The following CELSR1 variants were observed in gnomAD, a reference collection of about 807,000 sequenced individuals.
CELSR1 encodes cadherin EGF LAG seven-pass G-type receptor 1, also known as adhesion G protein-coupled receptor C1.
In CELSR1, 110 loss-of-function variants were observed where a neutral mutation model predicts 249.1. The observed-to-expected ratio is 0.44, with a 90% CI of 0.38 to 0.52. The LOEUF is 0.52. CELSR1 is among the 20% of genes least tolerant of loss of function. The pLI is 0.00. For synonymous variants in CELSR1, 2,113 were observed against 1,900.0 expected (o/e 1.11, Z -2.92); for missense variants, 4,109 against 4,296.4 (o/e 0.96, Z 1.22).
At chr22:46,451,014 A>T (rs874828) in intron 2 of CELSR1, among the ~76,000 whole-genome samples, 1 of 151,956 alleles carries the variant, frequency 6.6e-6, no homozygotes, top group African/African-American at 2.4e-5. Flanking sequence ...TTCCTGAGAC[A>T]GGAGGCACCC....
chr22:46,378,961 G>C (rs558453941), intron 22 of CELSR1, among the ~76,000 whole-genome samples: 1 of 152,202 alleles, frequency 6.6e-6, no homozygotes, highest in Admixed American at 6.5e-5. Context: ...CTGCCGCGGA[G>C]GCAGGACCAT....
Position 46,536,708 on chromosome 22 carries a change from C to G in CELSR1, c.463G>C (p.Ala155Pro). 8.9e-7 allele frequency: 1 copy of G among 1,127,488 alleles called. No individual in the cohort carries two copies. The highest frequency in any genetic ancestry group is 1.1e-6 in the Non-Finnish European group (1 of 925,578). 69.8% of individuals were successfully genotyped at this position (1,127,488 alleles called of 1,614,324 possible). A position where few individuals can be genotyped will look rare whatever the true frequency, so the allele number is the denominator to read the frequency against. ...SALAAPTTLPACRCPPRPRPR... is the reference protein window; with the variant it reads ...SALAAPTTLPPCRCPPRPRPR... ...CTGGGGCGCGGCGGGCAGCGGCAGG[C>G]GGGTAAGGTGGTCGGAGCTGCGAGC... Residue 155 changes from alanine (A) to proline (P), a missense_variant, in exon 1 of 35, where the codon GCC becomes CCC. Transcript: ENST00000674500.
chr22:46,451,896 T>C (rs1404537333), intron 2 of CELSR1, among the ~76,000 whole-genome samples: 1 of 152,116 alleles, frequency 6.6e-6, no homozygotes. Context: ...CAACATGAAT[T>C]ATCGTAAAAT....
At position 46,365,310 on chromosome 22, in the gene CELSR1, C is replaced by T. The variant is rs148280744; in HGVS notation, c.8475G>A (p.Ser2825=). The T allele has an allele frequency of 9.4e-5, 152 of 1,612,868 alleles. No individual in the cohort carries two copies. The highest frequency in any genetic ancestry group is 6.8e-4 in the African/African-American group (51 of 74,956). Residue 2825 remains serine (S), a synonymous_variant, in exon 32 of 35, where the codon TCG becomes TCA. Transcript: ENST00000674500. The part of the protein sequence containing the change: ...EQSSSYASSH[S]SDSEDDGVGA... ...CCACCCCATCGTCCTCGCTGTCTGA[C>T]GAGTGTGAGGAGGCGTAAGAGCTGC...
chr22:46,414,390 G>A (rs2079373137), intron 5 of CELSR1, among the ~76,000 whole-genome samples: 1 of 152,228 alleles, frequency 6.6e-6, no homozygotes, highest in South Asian at 2.1e-4. Flanking sequence ...GGGATCTGTG[G>A]GGTCTGAGGT....
At chr22:46,372,222 A>C in intron 25 of CELSR1, among the ~76,000 whole-genome samples, 1 of 122,732 alleles carries the variant, frequency 8.1e-6, no homozygotes, top group Non-Finnish European at 1.7e-5. Flanking sequence ...CCATCTACTC[A>C]CCCATCCATG....
At chr22:46,460,426 C>A (rs1041522049) in intron 2 of CELSR1, among the ~76,000 whole-genome samples, 19 of 151,996 alleles carry the variant, frequency 1.3e-4, no homozygotes, top group African/African-American at 4.4e-4. Flanking sequence ...TGAGGGAGGC[C>A]CATGATGGGC....
intron 1 of CELSR1, among the ~76,000 whole-genome samples, chr22:46,498,291 CAAAAAAAAAAAAA>C (rs757698564): frequency 1.8e-4 from 2 of 11,314 alleles, no homozygotes; most frequent in Non-Finnish European, 3.1e-4. Context: ...AACTCTGTCT[CAAAAAAAAAAAAA>C]AAAAAAAAAA....
At chr22:46,366,687 C>T (rs1164451763) in intron 29 of CELSR1, among the ~76,000 whole-genome samples, 1 of 152,178 alleles carries the variant, frequency 6.6e-6, no homozygotes, top group Admixed American at 6.5e-5. Flanking sequence ...TCCTGGCCCG[C>T]GCTGTGGTCA....
intron 18 of CELSR1, among the ~76,000 whole-genome samples, chr22:46,388,884 C>T (rs545671669): frequency 1.3e-5 from 2 of 152,252 alleles, no homozygotes; most frequent in Non-Finnish European, 2.9e-5. Context: ...CTGCCCCTTA[C>T]AAGCTGTGCC....
Position 46,380,669 on chromosome 22 carries a change from G to A in CELSR1, c.7256+119C>T. The A allele has an allele frequency of 8.3e-7, 1 of 1,210,426 alleles. No homozygotes were observed. Among genetic ancestry groups the A allele is most frequent in the Non-Finnish European group, 1.2e-6 (1 of 865,516 alleles). The allele number at this position is 1,210,426 out of a possible 1,614,324, so 75.0% of individuals were successfully genotyped here. On this transcript the variant is annotated intron_variant, in intron 22 of 34. Transcript: ENST00000674500. The surrounding 1 kb of genome is among the most constrained non-coding windows in gnomAD (Gnocchi z 5.1). ...CACTGCCCCCACGGGGGACTTAAAG[G>A]GGAAACACAGACCACAAGAGACCGT...
chr22:46,419,368 C>A (rs565671601), intron 5 of CELSR1, among the ~76,000 whole-genome samples: 2 of 152,180 alleles, frequency 1.3e-5, no homozygotes, highest in Non-Finnish European at 2.9e-5. Context: ...CTGAGGGACC[C>A]TCCTCAAGCA....
intron 1 of CELSR1, among the ~76,000 whole-genome samples, chr22:46,509,525 G>GTA (rs2080550832): frequency 5.5e-5 from 1 of 18,312 alleles, no homozygotes; most frequent in South Asian, 9.9e-4. Flanking sequence ...TCTCAGTGGG[G>GTA]GAGTCAACTG....
intron 3 of CELSR1, among the ~76,000 whole-genome samples, 194 bp downstream of exon 3, chr22:46,438,995 T>C (rs1177208310): frequency 6.6e-6 from 1 of 152,148 alleles, no homozygotes; most frequent in African/African-American, 2.4e-5. Flanking sequence ...CAACCTCAGG[T>C]GATCCACCCG....
At chr22:46,480,629 GA>G (rs1387398928) in intron 1 of CELSR1, among the ~76,000 whole-genome samples, 1 of 152,210 alleles carries the variant, frequency 6.6e-6, no homozygotes, top group African/African-American at 2.4e-5. Context: ...TGGCAACGAA[GA>G]GGAAATATCT....
In CELSR1 at chr22:46,363,642, G is replaced by A. The variant is rs530310472; in HGVS notation, c.9035+354C>T. On this transcript the variant is annotated intron_variant, in intron 34 of 34. Coordinates refer to ENST00000674500, the MANE Select transcript of CELSR1 (RefSeq NM_001378328.1). The surrounding 1 kb of genome is among the most constrained non-coding windows in gnomAD (Gnocchi z 4.3). ...CCGCCCCCTTCACCCCTGGCATTCCGGGACCCTCAGTATCCTCAACTGCAA... is the reference window on the plus strand; with the variant it reads ...CCGCCCCCTTCACCCCTGGCATTCCAGGACCCTCAGTATCCTCAACTGCAA... 48 of 364,592 alleles carry A rather than the reference G, an allele frequency of 1.3e-4. No individual in the cohort carries two copies. The highest frequency in any genetic ancestry group is 2.3e-4 in the Non-Finnish European group (46 of 200,392). 22.6% of individuals were successfully genotyped at this position (364,592 alleles called of 1,614,324 possible). A position where few individuals can be genotyped will look rare whatever the true frequency, so the allele number is the denominator to read the frequency against.
At chr22:46,461,001 C>T (rs2080019866) in intron 2 of CELSR1, among the ~76,000 whole-genome samples, 1 of 152,192 alleles carries the variant, frequency 6.6e-6, no homozygotes, top group African/African-American at 2.4e-5. Flanking sequence ...TTTCAGCAGC[C>T]ACTTGGGCCG....
In CELSR1 at chr22:46,518,421, G is replaced by T. The variant is rs1410275933; in HGVS notation, c.3544+15206C>A. ...TGCACTGCGACAAGGCAAACCGATG[G>T]TGTGCTCGGGCATTCGGGTGGACAG... is the stretch of plus-strand genomic sequence containing the variant. On this transcript the variant is annotated intron_variant, in intron 1 of 34. Coordinates refer to ENST00000674500, the MANE Select transcript of CELSR1 (RefSeq NM_001378328.1). The surrounding 1 kb of genome is among the most constrained non-coding windows in gnomAD (Gnocchi z 5.2). Among the ~76,000 whole-genome samples, 1 of 152,238 alleles carries T rather than the reference G, an allele frequency of 6.6e-6. No homozygotes were observed. The highest frequency in any genetic ancestry group is 6.5e-5 in the Admixed American group (1 of 15,288).
At position 46,417,678 on chromosome 22, in the gene CELSR1, G is replaced by C. The variant is rs912452376; in HGVS notation, c.4612-5919C>G. ...ACAGGTGCTCCTGAATCCCTCACCT[G>C]CCAGGGACCTGGGGCAGAAGACATA... is the stretch of plus-strand genomic sequence containing the variant. On this transcript the variant is annotated intron_variant, in intron 5 of 34. Coordinates refer to ENST00000674500, the MANE Select transcript of CELSR1 (RefSeq NM_001378328.1). This position sits in a 1 kb window ranked among gnomAD's most constrained non-coding sequence, Gnocchi z 4.1. 1.1e-4 allele frequency among the ~76,000 whole-genome samples: 17 copies of C among 152,182 alleles called. No individual in the cohort carries two copies. The highest frequency in any genetic ancestry group is 4.1e-4 in the African/African-American group (17 of 41,446).
Sources: allele counts gnomAD v4.1 joint callset (sites outside exome capture counted in the v4.1 genomes callset), GRCh38; gene constraint gnomAD v4.1.1; non-coding constraint Gnocchi (gnomAD v3.1); transcripts MANE v1.5; gene names NCBI Gene and HGNC (gene_info 2026-07-23, HGNC 2026-07-21).